CACNA1S: variants seen among roughly 807,000 people sequenced by gnomAD.
CACNA1S encodes the protein voltage-dependent L-type calcium channel subunit alpha-1S.
CACNA1S carries 126 observed loss-of-function variants against 207.4 expected under a neutral mutation model. The ratio of observed to expected loss-of-function variants is 0.61; its 90% CI spans 0.53 to 0.70. The LOEUF (loss-of-function observed/expected upper bound fraction) is 0.70. CACNA1S is among the 30% of genes least tolerant of loss of function. The pLI, the probability that CACNA1S is intolerant of heterozygous loss-of-function variation, is 0.00. For missense variants in CACNA1S, 2,349 were observed against 2,422.8 expected (o/e 0.97, Z 0.64); for synonymous variants, 960 against 932.7 (o/e 1.03, Z -0.53).
At chr1:201,078,127 C>T (rs772426200) in intron 10 of CACNA1S, 23 bp from the exon 11 acceptor site, 29 of 1,559,230 alleles carry the variant, frequency 1.9e-5, no homozygotes, top group African/African-American at 2.7e-5. Context: ...TGGCACAGCC[C>T]CGGCATCACT....
chr1:201,069,569 G>T lies in CACNA1S; in HGVS notation c.2393C>A (p.Ala798Asp), dbSNP rs765477678. ...CAGGATGAAGTTGGTAAACCAGGTG[G>T]CATTGACGATGCGGTGACACAGGAC... ...IRVLCHRIVN[A>D]TWFTNFILLF... Residue 798 changes from alanine (A) to aspartate (D), a missense_variant, in exon 18 of 44, where the codon GCC (alanine) becomes GAC (aspartate). Ala to Asp is a moderately radical substitution (Grantham distance 126). Transcript: ENST00000362061. 3.2e-6 allele frequency: 5 copies of T among 1,565,670 alleles called. No homozygotes were observed. Among genetic ancestry groups the T allele is most frequent in the Non-Finnish European group, 3.5e-6 (4 of 1,154,442 alleles).
chr1:201,078,194 G>T (rs558506882), intron 10 of CACNA1S, 90 bp from the exon 11 acceptor site: 7 of 1,025,780 alleles, frequency 6.8e-6, no homozygotes, highest in Non-Finnish European at 1.1e-5. Flanking sequence ...AACCCAGGAC[G>T]CCCCTTCCCT....
At position 201,085,453 on chromosome 1, in the gene CACNA1S, A is replaced by G; in HGVS notation, c.1133T>C (p.Val378Ala). ...SWITQGEVMD[V>A]EDFREGKLSL... is the part of the protein sequence containing the mutation. The stretch of plus-strand genomic sequence containing the variant: ...GCCCAAACCTTCTCTGAAGTCCTCA[A>G]CATCCATGACCTCGCCCTGCGTGAT... Residue 378 changes from valine (V) to alanine (A), a missense_variant, in exon 8 of 44, where the codon GTT (valine) becomes GCT (alanine). Val to Ala is a moderately conservative substitution (Grantham distance 64). Transcript: ENST00000362061. 6.2e-7 allele frequency: 1 copy of G among 1,613,352 alleles called. No individual in the cohort carries two copies. Among genetic ancestry groups the G allele is most frequent in the South Asian group, 1.1e-5 (1 of 91,016 alleles).
At position 201,112,179 on chromosome 1, in the gene CACNA1S, G is replaced by A. The variant is rs202183450; in HGVS notation, c.152+9C>T. ...CACCCCCCCCCACGGCCCGGGCCCT[G>A]AAGGATACTTCCATTCTACAATGCT... is the stretch of plus-strand genomic sequence containing the variant. On this transcript the variant is annotated intron_variant, in intron 1 of 43. Transcript: ENST00000362061. The A allele has an allele frequency of 1.4e-5, 23 of 1,611,000 alleles. No homozygotes were observed. The highest frequency in any genetic ancestry group is 1.7e-5 in the Non-Finnish European group (20 of 1,177,970).
rs749965662 is a variant in CACNA1S, at chr1:201,040,301, G to T, written c.5300C>A (p.Pro1767His). The change falls in exon 43 of 44, where the codon CCC becomes CAC. Residue 1767 changes from proline to histidine, a missense_variant. Coordinates refer to ENST00000362061, the MANE Select transcript of CACNA1S (RefSeq NM_000069.3). The part of the protein sequence containing the change: ...STPGSLHEET[P>H]HSRSTRENTS... ...ATTCTCCCTGGTGCTCCTGCTGTGGGGTGTCTCCTCATGAAGAGACCCTGG... is the reference window on the plus strand; with the variant it reads ...ATTCTCCCTGGTGCTCCTGCTGTGGTGTGTCTCCTCATGAAGAGACCCTGG... The T allele has an allele frequency of 6.2e-7, 1 of 1,613,818 alleles. No individual in the cohort carries two copies. Among genetic ancestry groups the T allele is most frequent in the East Asian group, 2.2e-5 (1 of 44,884 alleles).
At chr1:201,099,036 G>A (rs1030782588) in intron 2 of CACNA1S, among the ~76,000 whole-genome samples, 14 of 152,108 alleles carry the variant, frequency 9.2e-5, no homozygotes, top group African/African-American at 2.7e-4. Context: ...GGCTGGGACC[G>A]CACATCCCCT....
At chr1:201,111,912 TTCCTCTTCCTCCTCC>T (rs1184085405) in intron 1 of CACNA1S, among the ~76,000 whole-genome samples, 2 of 146,998 alleles carry the variant, frequency 1.4e-5, no homozygotes, top group Non-Finnish European at 1.5e-5. Context: ...CCTCCTTCTC[TTCCTCTTCCTCCTCC>T]TCCTCTTCCT....
chr1:201,089,972 C>T (rs932992179), intron 5 of CACNA1S, among the ~76,000 whole-genome samples: 8 of 152,342 alleles, frequency 5.3e-5, no homozygotes, highest in African/African-American at 1.9e-4. Flanking sequence ...CCCGAGCCTG[C>T]ACTCTCCTTT....
In CACNA1S at chr1:201,040,038, G is replaced by A. The variant is rs1572010898; in HGVS notation, c.5415C>T (p.Asn1805=). ...GGGCCTGGCCTGTTGCCATGATGAA[G>A]TTTGCATCAGCTGCCAAGGTGCCCA... is the stretch of plus-strand genomic sequence containing the variant. ...GGLGTLAADA[N]FIMATGQALA... Residue 1805 remains asparagine, a synonymous_variant, in exon 44 of 44, where the codon AAC becomes AAT. Coordinates refer to ENST00000362061, the MANE Select transcript of CACNA1S (RefSeq NM_000069.3). 1.2e-6 allele frequency: 2 copies of A among 1,614,234 alleles called. No homozygotes were observed. Among genetic ancestry groups the A allele is most frequent in the East Asian group, 4.5e-5 (2 of 44,882 alleles).
At chr1:201,063,019 C>T (rs1193499416) in intron 22 of CACNA1S, among the ~76,000 whole-genome samples, 1 of 152,142 alleles carries the variant, frequency 6.6e-6, no homozygotes, top group Non-Finnish European at 1.5e-5. Context: ...CCCAGCTGGG[C>T]TCTGATGACT....
rs1213421499 is a variant in CACNA1S at position 201,089,464 on chromosome 1, C to T, written c.695-1G>A. The T allele has an allele frequency of 2.5e-6, 4 of 1,613,620 alleles. No individual in the cohort carries two copies. Among genetic ancestry groups the T allele is most frequent in the Non-Finnish European group, 3.4e-6 (4 of 1,179,964 alleles). On this transcript the variant is annotated splice_acceptor_variant, in intron 5 of 43. Coordinates refer to ENST00000362061, the MANE Select transcript of CACNA1S (RefSeq NM_000069.3). LOFTEE classifies it high-confidence loss of function. ...TCATTCTCCACCGTGGCCACGATAT[C>T]TGGAGGCAGAAGGCAAAGGGAACAT...
At chr1:201,041,375 G>T in intron 41 of CACNA1S, 129 bp downstream of exon 41, 1 of 736,380 alleles carries the variant, frequency 1.4e-6, no homozygotes, top group South Asian at 1.5e-5. Context: ...GGGCCCAGAT[G>T]ACTGCCATTG....
At chr1:201,051,427 C>T (rs922073759) in intron 32 of CACNA1S, among the ~76,000 whole-genome samples, 2 of 152,136 alleles carry the variant, frequency 1.3e-5, no homozygotes, top group South Asian at 2.1e-4. Flanking sequence ...ACTGTTCTGA[C>T]CAAAGCAAGG....
chr1:201,058,197 G>A (rs565835542), intron 28 of CACNA1S, among the ~76,000 whole-genome samples: 13 of 152,248 alleles, frequency 8.5e-5, no homozygotes, highest in Non-Finnish European at 1.8e-4. Context: ...AGTGTAGTAG[G>A]TACACCCATT....
intron 12 of CACNA1S, among the ~76,000 whole-genome samples, chr1:201,075,927 G>C (rs191566268): frequency 1.4e-3 from 220 of 152,272 alleles, no homozygotes; most frequent in Middle Eastern, 6.8e-3. Context: ...AATTAGCCAG[G>C]CATGGTGGTG....
chr1:201,096,622 C>T (rs1035103468), intron 2 of CACNA1S, among the ~76,000 whole-genome samples: 6 of 152,196 alleles, frequency 3.9e-5, no homozygotes, highest in African/African-American at 4.8e-5. Context: ...CGGTTTTCAC[C>T]AGCTCTGCTG....
intron 27 of CACNA1S, among the ~76,000 whole-genome samples, chr1:201,058,831 C>A (rs990228770): frequency 1.3e-5 from 2 of 152,148 alleles, no homozygotes; most frequent in Non-Finnish European, 2.9e-5. Context: ...CTTGACAGTG[C>A]GGAACTGACA....
chr1:201,043,052 T>C (rs1660329283), intron 40 of CACNA1S: 1 of 536,432 alleles, frequency 1.9e-6, no homozygotes, highest in Non-Finnish European at 3.4e-6. Flanking sequence ...AAAGAACCTC[T>C]CAACACTGGG....
chr1:201,075,485 G>A lies in CACNA1S; in HGVS notation c.1948+10C>T, dbSNP rs201173419. The A allele has an allele frequency of 1.5e-5, 22 of 1,510,324 alleles. No individual in the cohort carries two copies. The highest frequency in any genetic ancestry group is 5.5e-5 in the Admixed American group (3 of 54,944). The allele number at this position is 1,510,324 out of a possible 1,614,324, so 93.6% of individuals were successfully genotyped here. A position where few individuals can be genotyped will look rare whatever the true frequency, so the allele number is the denominator to read the frequency against. On this transcript the variant is annotated intron_variant, in intron 13 of 43. Transcript: ENST00000362061. Reference sequence around the variant, plus strand: ...AAGCTCTTTTCTGCACCCTGCTCCCGAGAGGATACAGTTGCCACAGACGAA... The same window carrying A: ...AAGCTCTTTTCTGCACCCTGCTCCCAAGAGGATACAGTTGCCACAGACGAA...
Sources: allele counts gnomAD v4.1 joint callset (sites outside exome capture counted in the v4.1 genomes callset), GRCh38; gene constraint gnomAD v4.1.1; transcripts MANE v1.5; gene names NCBI Gene and HGNC (gene_info 2026-07-23, HGNC 2026-07-21).